ATP9B: variants seen among roughly 807,000 people sequenced by gnomAD.
ATP9B encodes ATPase phospholipid transporting 9B.
In ATP9B, 110 loss-of-function variants were observed where a neutral mutation model predicts 146.1. The observed-to-expected ratio is 0.75, with a 90% CI of 0.65 to 0.88. The LOEUF (loss-of-function observed/expected upper bound fraction) is 0.88. Among genes scored for constraint, ATP9B ranks in the 40% least tolerant of loss-of-function variants. The pLI, the probability that ATP9B is intolerant of heterozygous loss-of-function variation, is 0.00. For synonymous variants in ATP9B, 604 were observed against 569.7 expected (o/e 1.06, Z -0.86); for missense variants, 1,499 against 1,496.4 (o/e 1.00, Z -0.03).
At chr18:79,360,698 TAAAG>T (rs1254582174) in intron 26 of ATP9B, 1 of 152,150 alleles carries the variant, frequency 6.6e-6, no homozygotes, top group Non-Finnish European at 1.5e-5. Context: ...TTGAAAAAAA[TAAAG>T]AATTCTCATT....
chr18:79,352,321 CAGG>C (rs1263277298), intron 25 of ATP9B: 1 of 152,202 alleles, frequency 6.6e-6, no homozygotes, highest in Non-Finnish European at 1.5e-5. Context: ...GAGCTCTGGG[CAGG>C]AGGAGCACAG....
chr18:79,189,598 C>CA (rs1215351218), intron 8 of ATP9B, among the ~76,000 whole-genome samples: 1 of 152,132 alleles, frequency 6.6e-6, no homozygotes, highest in Admixed American at 6.5e-5. Context: ...TGTGTCCTTA[C>CA]AATAAGGTAA....
intron 26 of ATP9B, among the ~76,000 whole-genome samples, chr18:79,366,143 G>A (rs1600422706): frequency 6.6e-6 from 1 of 152,252 alleles, no homozygotes; most frequent in African/African-American, 2.4e-5. Flanking sequence ...CAGAACTGTA[G>A]GGAAGAGACC....
At chr18:79,157,710 G>C (rs2094816157) in intron 7 of ATP9B, among the ~76,000 whole-genome samples, 1 of 152,078 alleles carries the variant, frequency 6.6e-6, no homozygotes, top group African/African-American at 2.4e-5. Context: ...AGTCAGTTTT[G>C]GTAGTTTGTG....
At chr18:79,228,007 T>G (rs779089715) in intron 11 of ATP9B, among the ~76,000 whole-genome samples, 16 of 152,148 alleles carry the variant, frequency 1.1e-4, no homozygotes, top group Non-Finnish European at 1.9e-4. Flanking sequence ...CATAGTGTGA[T>G]AAGACAAAAA....
At chr18:79,327,485 G>GTT (rs2096755436) in intron 15 of ATP9B, among the ~76,000 whole-genome samples, 1 of 150,678 alleles carries the variant, frequency 6.6e-6, no homozygotes, top group African/African-American at 2.4e-5. Flanking sequence ...TGGTTAGCGT[G>GTT]CTCTCCGTGG....
Position 79,372,879 on chromosome 18 carries a change from C to G in ATP9B, c.3067C>G (p.Gln1023Glu), listed in dbSNP as rs777295840. The G allele has an allele frequency of 6.2e-7, 1 of 1,603,000 alleles. No homozygotes were observed. The highest frequency in any genetic ancestry group is 2.2e-5 in the East Asian group (1 of 44,844). Reference sequence around the variant, plus strand: ...CATCTGGGTTTTAATAAGTATTTACCAAGGTAAGACGAGATCCTTAGTTTA... The same window carrying G: ...CATCTGGGTTTTAATAAGTATTTACGAAGGTAAGACGAGATCCTTAGTTTA... ...FLIWVLISIY[Q>E]GGILMYGALV... Residue 1023 changes from glutamine (Q) to glutamate (E), a missense_variant, in exon 27 of 30, where the codon CAA (glutamine) becomes GAA (glutamate). Physicochemically the swap from Gln to Glu is conservative, Grantham distance 29 (BLOSUM62 2). Coordinates refer to ENST00000426216, the MANE Select transcript of ATP9B (RefSeq NM_198531.5).
chr18:79,180,937 A>T (rs1043730299), intron 8 of ATP9B, among the ~76,000 whole-genome samples: 11 of 150,038 alleles, frequency 7.3e-5, no homozygotes, highest in Non-Finnish European at 1.3e-4. Context: ...GATTACAGGC[A>T]TGTGCCACCA....
intron 15 of ATP9B, among the ~76,000 whole-genome samples, chr18:79,327,641 G>GTTAGCATGCTCTCCGTGT (rs1568698714): frequency 6.3e-5 from 3 of 47,618 alleles, no homozygotes; most frequent in Admixed American, 2.5e-4. Context: ...GCCCTCCCTG[G>GTTAGCATGCTCTCCGTGT]TTAGCATGCT....
chr18:79,237,440 G>A (rs1303522447), intron 11 of ATP9B, among the ~76,000 whole-genome samples: 2 of 152,232 alleles, frequency 1.3e-5, no homozygotes, highest in Admixed American at 6.5e-5. Context: ...GTGCACATCT[G>A]GGCCCTTTCC....
At chr18:79,168,448 T>C (rs2095018431) in intron 7 of ATP9B, among the ~76,000 whole-genome samples, 1 of 151,882 alleles carries the variant, frequency 6.6e-6, no homozygotes, top group Admixed American at 6.6e-5. Flanking sequence ...GTTGAAGTGC[T>C]GAGGTGGAGG....
intron 2 of ATP9B, 36 bp from the exon 3 acceptor site, chr18:79,110,315 CAAAA>C: frequency 7.0e-7 from 1 of 1,436,820 alleles, no homozygotes; most frequent in Non-Finnish European, 9.3e-7. Flanking sequence ...TTTTAAAAAG[CAAAA>C]AAAAATACAC....
At chr18:79,182,332 T>C (rs1260304940) in intron 8 of ATP9B, among the ~76,000 whole-genome samples, 1 of 152,214 alleles carries the variant, frequency 6.6e-6, no homozygotes, top group Non-Finnish European at 1.5e-5. Flanking sequence ...GTATGCTGTG[T>C]GTACTCACTT....
intron 16 of ATP9B, 62 bp downstream of exon 16, chr18:79,329,364 A>G: frequency 7.0e-7 from 1 of 1,438,188 alleles, no homozygotes; most frequent in Non-Finnish European, 9.2e-7. Flanking sequence ...CACCTTTTAA[A>G]CACAGATTTT....
Position 79,085,071 on chromosome 18 carries a change from A to G in ATP9B, c.120-11405A>G, listed in dbSNP as rs1007718474. The G allele has an allele frequency of 3.3e-5, 5 of 152,158 alleles. No homozygotes were observed. The East Asian group carries it at 5.8e-4, about 18-fold the overall frequency. The allele number at this position is 152,158 out of a possible 1,614,324, so 9.4% of individuals were successfully genotyped here. A position where few individuals can be genotyped will look rare whatever the true frequency, so the allele number is the denominator to read the frequency against. On this transcript the variant is annotated intron_variant, in intron 1 of 29. Coordinates refer to ENST00000426216, the MANE Select transcript of ATP9B (RefSeq NM_198531.5). The stretch of plus-strand genomic sequence containing the variant: ...GCTTTTAAGGAAGCATGGTGCTGGC[A>G]TCTGCTTCTGGTGAGGCCTCAGGAA...
At chr18:79,325,868 G>A (rs943564624) in intron 15 of ATP9B, among the ~76,000 whole-genome samples, 15 of 150,906 alleles carry the variant, frequency 9.9e-5, no homozygotes, top group Non-Finnish European at 2.1e-4. Flanking sequence ...TGGTGTTAGG[G>A]TGTCATCTCT....
intron 15 of ATP9B, among the ~76,000 whole-genome samples, chr18:79,320,813 T>C (rs1017054541): frequency 2.0e-5 from 2 of 99,972 alleles, no homozygotes; most frequent in South Asian, 5.3e-4. Flanking sequence ...CTGTGGGTTT[T>C]ACGTTGGGAG....
At chr18:79,118,037 A>G (rs1269248667) in intron 4 of ATP9B, 1 of 152,182 alleles carries the variant, frequency 6.6e-6, no homozygotes, top group Non-Finnish European at 1.5e-5. Context: ...ACATATATCT[A>G]CTTCATTTTT....
At chr18:79,169,504 G>A (rs969329660) in intron 7 of ATP9B, among the ~76,000 whole-genome samples, 1 of 152,144 alleles carries the variant, frequency 6.6e-6, no homozygotes, top group South Asian at 2.1e-4. Context: ...AGAGTTTCTG[G>A]ACTCAGCGTT....
Sources: gnomAD v4.1 joint callset for allele counts (sites outside exome capture counted in the v4.1 genomes callset) on GRCh38, gnomAD v4.1.1 for gene constraint, MANE v1.5 for transcripts, NCBI Gene and HGNC (gene_info 2026-07-23, HGNC 2026-07-21) for gene names.